EPHA6: variants seen among roughly 807,000 people sequenced by gnomAD.
EPHA6 encodes EPH receptor A6.
A neutral mutation model predicts 112.0 loss-of-function variants in EPHA6; 50 were observed. The observed-to-expected ratio is 0.45, with a 90% CI of 0.36 to 0.56. EPHA6 has a LOEUF of 0.56. Ranked by LOEUF, EPHA6 falls within the 20% of genes least tolerant of loss-of-function variation. The pLI is 0.00. For missense variants in EPHA6, 1,280 were observed against 1,417.4 expected, an observed-to-expected ratio of 0.90 and a Z score of 1.56; for synonymous variants, 529 against 490.7, an observed-to-expected ratio of 1.08 and a Z score of -1.03.
At chr3:97,537,293 A>C (rs2092777800) in intron 11 of EPHA6, among the ~76,000 whole-genome samples, 1 of 152,090 alleles carries the variant, frequency 6.6e-6, no homozygotes, top group African/African-American at 2.4e-5. Context: ...TAGTTAAGGT[A>C]GGTTAAGAGT....
At chr3:96,960,375 C>G (rs1435104216) in intron 2 of EPHA6, among the ~76,000 whole-genome samples, 2 of 152,110 alleles carry the variant, frequency 1.3e-5, no homozygotes, top group East Asian at 3.9e-4. Context: ...CCTTAGTACT[C>G]CCTGGTTGCC....
intron 12 of EPHA6, among the ~76,000 whole-genome samples, chr3:97,603,927 G>A (rs938042014): frequency 2.0e-5 from 3 of 151,668 alleles, no homozygotes; most frequent in African/African-American, 7.3e-5. Flanking sequence ...TATTAGCTCT[G>A]CAAACCACTT....
intron 3 of EPHA6, among the ~76,000 whole-genome samples, chr3:97,214,038 T>TGTGAGAGAGAGAGA (rs1491420279): frequency 1.8e-4 from 14 of 77,840 alleles, no homozygotes; most frequent in African/African-American, 4.5e-4. Context: ...TGTGTGTGTG[T>TGTGAGAGAGAGAGA]GAGAGAGAGA....
intron 14 of EPHA6, among the ~76,000 whole-genome samples, chr3:97,714,493 A>G (rs965751785): frequency 5.3e-5 from 8 of 152,240 alleles, no homozygotes; most frequent in Non-Finnish European, 8.8e-5. Context: ...GGAGGAATAC[A>G]CATGCCTCTC....
At chr3:97,458,924 C>G (rs2090790248) in intron 7 of EPHA6, among the ~76,000 whole-genome samples, 1 of 152,156 alleles carries the variant, frequency 6.6e-6, no homozygotes, top group African/African-American at 2.4e-5. Context: ...GCTTTCACAA[C>G]AGCTAGTGAG....
chr3:97,576,245 G>C (rs1342934843), intron 11 of EPHA6, among the ~76,000 whole-genome samples: 1 of 151,792 alleles, frequency 6.6e-6, no homozygotes. Context: ...ATCCTATAAA[G>C]CTTCAAGAAA....
intron 6 of EPHA6, among the ~76,000 whole-genome samples, chr3:97,437,339 T>C (rs1279249210): frequency 2.0e-5 from 3 of 152,176 alleles, no homozygotes; most frequent in Non-Finnish European, 4.4e-5. Context: ...CAAAGGACCA[T>C]GCACATGTTG....
intron 14 of EPHA6, among the ~76,000 whole-genome samples, chr3:97,667,831 A>G (rs933630662): frequency 1.3e-5 from 2 of 152,178 alleles, no homozygotes; most frequent in African/African-American, 4.8e-5. Context: ...GTTACCCAGC[A>G]GAAGCATCCT....
chr3:97,676,512 T>G (rs142651944), intron 14 of EPHA6, among the ~76,000 whole-genome samples: 1 of 152,264 alleles, frequency 6.6e-6, no homozygotes, highest in African/African-American at 2.4e-5. Context: ...TATAAATAAC[T>G]CTTTCAAAGA....
intron 12 of EPHA6, among the ~76,000 whole-genome samples, chr3:97,606,842 A>C: frequency 6.6e-6 from 1 of 151,294 alleles, no homozygotes; most frequent in East Asian, 1.9e-4. Flanking sequence ...GGAAGGTAGA[A>C]ATAGATTAAA....
At chr3:97,533,319 T>C (rs924823476) in intron 11 of EPHA6, among the ~76,000 whole-genome samples, 8 of 152,224 alleles carry the variant, frequency 5.3e-5, no homozygotes, top group African/African-American at 1.7e-4. Flanking sequence ...ACATTTATTT[T>C]AAAATCTTTT....
rs144663982 is a variant in EPHA6 at position 96,956,828 on chromosome 3, T to C, written c.451-30502T>C. ...GGCGGGTGGATCACGAGGTCCGGAG[T>C]TCGAGACCAGCCTGGCCAAGATGGT... On this transcript the variant is annotated intron_variant, in intron 2 of 17. Coordinates refer to ENST00000389672, the MANE Select transcript of EPHA6 (RefSeq NM_001080448.3). Among the ~76,000 whole-genome samples, 442 of 151,544 alleles carry C rather than the reference T, an allele frequency of 2.9e-3. 4 individuals are homozygous for C. The highest frequency in any genetic ancestry group is 9.7e-3 in the African/African-American group (400 of 41,288).
intron 12 of EPHA6, among the ~76,000 whole-genome samples, chr3:97,602,774 C>T (rs1029672834): frequency 1.3e-5 from 2 of 152,024 alleles, no homozygotes; most frequent in African/African-American, 4.8e-5. Flanking sequence ...AGAGTAGTAT[C>T]TATTTTTAAA....
At chr3:97,419,387 G>T (rs1057174109) in intron 6 of EPHA6, among the ~76,000 whole-genome samples, 1 of 152,144 alleles carries the variant, frequency 6.6e-6, no homozygotes, top group African/African-American at 2.4e-5. Flanking sequence ...ACTTTGGGAG[G>T]CCGAGGTGGG....
chr3:96,822,813 G>A (rs917461540), intron 1 of EPHA6, among the ~76,000 whole-genome samples: 3 of 151,060 alleles, frequency 2.0e-5, no homozygotes, highest in African/African-American at 4.8e-5. Context: ...CTACATGAGT[G>A]TTGCAAAGAG....
chr3:97,310,874 G>T (rs901011767), intron 5 of EPHA6, among the ~76,000 whole-genome samples: 1 of 151,648 alleles, frequency 6.6e-6, no homozygotes, highest in Non-Finnish European at 1.5e-5. Context: ...TCATTTGTAT[G>T]GTACAATGAA....
intron 12 of EPHA6, among the ~76,000 whole-genome samples, chr3:97,601,666 A>T (rs1476574582): frequency 6.6e-6 from 1 of 152,090 alleles, no homozygotes; most frequent in Non-Finnish European, 1.5e-5. Context: ...GAAGAGTTGC[A>T]GAAAAGATTA....
intron 2 of EPHA6, among the ~76,000 whole-genome samples, chr3:96,986,590 T>G (rs1303911748): frequency 6.6e-6 from 1 of 152,180 alleles, no homozygotes; most frequent in African/African-American, 2.4e-5. Flanking sequence ...TATAACCCTC[T>G]TCTTAATCTC....
At chr3:97,178,902 TTC>T (rs1208638806) in intron 3 of EPHA6, among the ~76,000 whole-genome samples, 1 of 152,138 alleles carries the variant, frequency 6.6e-6, no homozygotes, top group Non-Finnish European at 1.5e-5. Flanking sequence ...AGTTTGAAAG[TTC>T]TCTGTTATTA....
Sources: allele counts gnomAD v4.1 joint callset (sites outside exome capture counted in the v4.1 genomes callset), GRCh38; gene constraint gnomAD v4.1.1; transcripts MANE v1.5; gene names NCBI Gene and HGNC (gene_info 2026-07-23, HGNC 2026-07-21).